MCTP1: variants seen among roughly 807,000 people sequenced by gnomAD.
MCTP1 encodes multiple C2 and transmembrane domain-containing protein 1.
Under a neutral mutation model 120.6 loss-of-function variants are expected in MCTP1, and 69 were observed. That is an observed-to-expected ratio of 0.57 (90% CI 0.47 to 0.70). MCTP1 has a LOEUF of 0.70. Ranked by LOEUF, MCTP1 falls within the 30% of genes least tolerant of loss-of-function variation. MCTP1 has a pLI of 0.00. For missense variants in MCTP1, 1,203 were observed against 1,248.8 expected (o/e 0.96, Z 0.55); for synonymous variants, 529 against 493.1 (o/e 1.07, Z -0.96).
At chr5:94,919,784 C>T (rs293046) in intron 7 of MCTP1, among the ~76,000 whole-genome samples, 1 of 152,040 alleles carries the variant, frequency 6.6e-6, no homozygotes, top group Non-Finnish European at 1.5e-5. Context: ...TTTATTCCAG[C>T]GAATTGCACC....
At chr5:94,768,956 C>T (rs1773444522) in intron 19 of MCTP1, among the ~76,000 whole-genome samples, 1 of 152,200 alleles carries the variant, frequency 6.6e-6, no homozygotes, top group East Asian at 1.9e-4. Flanking sequence ...CAGCACTATT[C>T]ACAATAGACA....
intron 19 of MCTP1, among the ~76,000 whole-genome samples, chr5:94,736,613 C>T (rs551623255): frequency 2.6e-5 from 4 of 152,162 alleles, no homozygotes; most frequent in Admixed American, 1.3e-4. Context: ...CTTGAATTAA[C>T]CTTGAAAGAT....
chr5:94,979,867 T>C (rs1829021001), intron 2 of MCTP1, among the ~76,000 whole-genome samples: 1 of 152,146 alleles, frequency 6.6e-6, no homozygotes, highest in African/African-American at 2.4e-5. Flanking sequence ...TTTATCTGTT[T>C]AGTTATATAT....
intron 1 of MCTP1, chr5:95,068,857 G>A (rs920295413): frequency 3.4e-5 from 42 of 1,223,988 alleles, no homozygotes; most frequent in African/African-American, 6.3e-5. Context: ...AAAATTTTAC[G>A]TAATATTGTA....
At chr5:95,268,293 A>G (rs1211107415) in intron 1 of MCTP1, among the ~76,000 whole-genome samples, 1 of 152,252 alleles carries the variant, frequency 6.6e-6, no homozygotes, top group East Asian at 1.9e-4. Flanking sequence ...GAGAAAGAGA[A>G]AGATGGTTAC....
intron 1 of MCTP1, among the ~76,000 whole-genome samples, chr5:95,252,058 A>T (rs1195497585): frequency 6.6e-6 from 1 of 152,152 alleles, no homozygotes; most frequent in Non-Finnish European, 1.5e-5. Flanking sequence ...GACAGAAAGA[A>T]ATCGTACCCT....
chr5:94,738,161 A>G, intron 19 of MCTP1, among the ~76,000 whole-genome samples: 1 of 152,212 alleles, frequency 6.6e-6, no homozygotes, highest in South Asian at 2.1e-4. Flanking sequence ...CTTTATGGAT[A>G]ACCCTCATCT....
intron 19 of MCTP1, among the ~76,000 whole-genome samples, chr5:94,766,121 C>T (rs1235123156): frequency 6.6e-6 from 1 of 152,086 alleles, no homozygotes. Context: ...GTGGCAGGCA[C>T]CTGTAATCCC....
intron 2 of MCTP1, among the ~76,000 whole-genome samples, chr5:94,988,916 T>C (rs1830955495): frequency 6.6e-6 from 1 of 152,004 alleles, no homozygotes; most frequent in African/African-American, 2.4e-5. Flanking sequence ...TATCAGATCT[T>C]GCGAGAACTA....
intron 12 of MCTP1, among the ~76,000 whole-genome samples, chr5:94,875,031 A>T (rs1798540654): frequency 6.6e-6 from 1 of 152,142 alleles, no homozygotes; most frequent in Non-Finnish European, 1.5e-5. Flanking sequence ...TGTTGGGGAA[A>T]CAGCAGTGAA....
At chr5:95,030,150 G>T (rs934451852) in intron 1 of MCTP1, among the ~76,000 whole-genome samples, 7 of 152,164 alleles carry the variant, frequency 4.6e-5, no homozygotes, top group African/African-American at 1.7e-4. Context: ...TTGTGAACCG[G>T]AAGTCATGAA....
intron 17 of MCTP1, among the ~76,000 whole-genome samples, chr5:94,830,155 A>G (rs1044935062): frequency 6.6e-6 from 1 of 152,194 alleles, no homozygotes; most frequent in African/African-American, 2.4e-5. Context: ...AAACAAACAA[A>G]CAAAACCAAA....
At chr5:95,162,360 G>A (rs1745838045) in intron 1 of MCTP1, among the ~76,000 whole-genome samples, 1 of 152,114 alleles carries the variant, frequency 6.6e-6, no homozygotes. Context: ...TACCTGACAA[G>A]ATTTTTCAAC....
intron 1 of MCTP1, among the ~76,000 whole-genome samples, chr5:95,164,732 T>C (rs1307154855): frequency 6.6e-6 from 1 of 152,196 alleles, no homozygotes; most frequent in African/African-American, 2.4e-5. Context: ...TATACTGTAT[T>C]TTTATTTGCT....
At chr5:94,760,336 G>T (rs1434588825) in intron 19 of MCTP1, among the ~76,000 whole-genome samples, 1 of 152,204 alleles carries the variant, frequency 6.6e-6, no homozygotes, top group Non-Finnish European at 1.5e-5. Flanking sequence ...TCCAGGCACT[G>T]AAGGCTGTGA....
At chr5:95,281,219 T>C (rs948919277) in intron 1 of MCTP1, among the ~76,000 whole-genome samples, 6 of 152,198 alleles carry the variant, frequency 3.9e-5, no homozygotes, top group Non-Finnish European at 7.4e-5. Flanking sequence ...CAGGTCACTT[T>C]GGAGATGAGC....
intron 1 of MCTP1, among the ~76,000 whole-genome samples, chr5:95,147,814 T>C (rs1760535463): frequency 6.6e-6 from 1 of 152,218 alleles, no homozygotes; most frequent in Non-Finnish European, 1.5e-5. Flanking sequence ...TGTGCTTAAG[T>C]GTGTTTTTGT....
chr5:95,093,248 T>C (rs1164952540), intron 1 of MCTP1, among the ~76,000 whole-genome samples: 2 of 152,058 alleles, frequency 1.3e-5, no homozygotes, highest in African/African-American at 4.8e-5. Context: ...ACACTGAGAG[T>C]GGAACCAAGA....
At chr5:94,962,108 TGC>T (rs1824397547) in intron 2 of MCTP1, among the ~76,000 whole-genome samples, 1 of 151,174 alleles carries the variant, frequency 6.6e-6, no homozygotes, top group African/African-American at 2.4e-5. Context: ...ACCTTACTCC[TGC>T]GCAAATGGCT....
Sources: allele counts gnomAD v4.1 joint callset (sites outside exome capture counted in the v4.1 genomes callset), GRCh38; gene constraint gnomAD v4.1.1; transcripts MANE v1.5; gene names NCBI Gene and HGNC (gene_info 2026-07-23, HGNC 2026-07-21).